CD164: variants seen among roughly 807,000 people sequenced by gnomAD.
CD164 encodes sialomucin core protein 24.
In CD164, 11 loss-of-function variants were observed where a neutral mutation model predicts 24.6. The ratio of observed to expected loss-of-function variants is 0.45; its 90% CI spans 0.28 to 0.74. CD164 has a LOEUF of 0.74. Among genes scored for constraint, CD164 ranks in the 30% least tolerant of loss-of-function variants. The pLI is 0.13. For missense variants in CD164, 295 were observed against 243.7 expected (o/e 1.21, Z -1.40); for synonymous variants, 126 against 100.3 (o/e 1.26, Z -1.53).
rs1771827520 is a variant in CD164 at position 109,382,373 on chromosome 6, C to G, written c.6G>C (p.Ser2=). The change falls in exon 1 of 6, where the codon TCG becomes TCC. Residue 2 remains serine (S), a synonymous_variant. Transcript: ENST00000310786. ...CCCAAAGCAGTGAGCGGGAGAGCCG[C>G]GACATCGTGTCCTCAGCGCTGGCGT... M[S]RLSRSLLWAA... 6.5e-7 allele frequency: 1 copy of G among 1,540,174 alleles called. No homozygotes were observed. The highest frequency in any genetic ancestry group is 1.4e-5 in the African/African-American group (1 of 73,010).
At chr6:109,376,022 GA>G in intron 4 of CD164, 51 bp downstream of exon 4, 1 of 1,376,606 alleles carries the variant, frequency 7.3e-7, no homozygotes, top group Non-Finnish European at 1.0e-6. Context: ...AATCCATCAA[GA>G]AAGCTTAAAA....
chr6:109,380,866 C>G (rs1771696760), intron 1 of CD164, among the ~76,000 whole-genome samples: 1 of 152,218 alleles, frequency 6.6e-6, no homozygotes, highest in South Asian at 2.1e-4. Flanking sequence ...ATATTCTGCT[C>G]TATCATCTTA....
chr6:109,377,791 G>A (rs917967730), intron 3 of CD164, 109 bp downstream of exon 3: 3 of 767,480 alleles, frequency 3.9e-6, no homozygotes, highest in East Asian at 2.5e-5. Context: ...CTAACAAGAT[G>A]AGAATTATGG....
At chr6:109,379,473 A>G in intron 2 of CD164, 106 bp downstream of exon 2, 1 of 806,988 alleles carries the variant, frequency 1.2e-6, no homozygotes, top group Non-Finnish European at 2.0e-6. Flanking sequence ...TGCAAAATAA[A>G]TAGTGCACAA....
rs1562234407 is a variant in CD164, at chr6:109,368,397, T to C, written c.*454A>G. 1 of 1,457,318 alleles carries C rather than the reference T, an allele frequency of 6.9e-7. No homozygotes were observed. The highest frequency in any genetic ancestry group is 1.5e-5 in the African/African-American group (1 of 68,668). The allele number at this position is 1,457,318 out of a possible 1,614,324, so 90.3% of individuals were successfully genotyped here. On this transcript the variant is annotated 3_prime_UTR_variant, in exon 6 of 6. Transcript: ENST00000310786. The stretch of plus-strand genomic sequence containing the variant: ...AGGATACCATTTAGTACTACTAAAT[T>C]AATAAATTTATTCCACTTTTGAAAT...
chr6:109,369,619 T>C (rs1309943598), intron 5 of CD164, among the ~76,000 whole-genome samples: 3 of 152,200 alleles, frequency 2.0e-5, no homozygotes, highest in African/African-American at 4.8e-5. Flanking sequence ...GAAAAAGCGA[T>C]TTCCATTTAA....
At chr6:109,371,823 T>A (rs1032516590) in intron 4 of CD164, 5 of 152,956 alleles carry the variant, frequency 3.3e-5, no homozygotes, top group Non-Finnish European at 7.4e-5. Context: ...ATTAGGTAAG[T>A]CAGGCTTCAG....
In CD164 at chr6:109,378,415, C is replaced by T. The variant is rs1264913823; in HGVS notation, c.260-444G>A. ...TGACCAATATGGTGAGACCCTGCCT[C>T]TACCAAAAATACAGAACTCTGTCTC... On this transcript the variant is annotated intron_variant, in intron 2 of 5. Transcript: ENST00000310786. 1.1e-4 allele frequency among the ~76,000 whole-genome samples: 17 copies of T among 150,566 alleles called. No individual in the cohort carries two copies. The Admixed American group carries it at 1.1e-3, about 10-fold the overall frequency.
Position 109,368,374 on chromosome 6 carries a change from G to A in CD164, c.*477C>T. 2 of 1,518,470 alleles carry A rather than the reference G, an allele frequency of 1.3e-6. No homozygotes were observed. The highest frequency in any genetic ancestry group is 1.8e-6 in the Non-Finnish European group (2 of 1,133,450). The allele number at this position is 1,518,470 out of a possible 1,614,324, so 94.1% of individuals were successfully genotyped here. On this transcript the variant is annotated 3_prime_UTR_variant, in exon 6 of 6. Transcript: ENST00000310786. ...ATCAAGCACAAAATTTTAATCTAAGGATACCATTTAGTACTACTAAATTAA... is the reference window on the plus strand; with the variant it reads ...ATCAAGCACAAAATTTTAATCTAAGAATACCATTTAGTACTACTAAATTAA...
chr6:109,367,577 A>C lies in CD164; in HGVS notation c.*1274T>G, dbSNP rs1468924004. The C allele has an allele frequency of 6.6e-6, 1 of 152,598 alleles. No homozygotes were observed. The highest frequency in any genetic ancestry group is 2.4e-5 in the African/African-American group (1 of 41,460). The allele number at this position is 152,598 out of a possible 1,614,324, so 9.5% of individuals were successfully genotyped here. ...AGAAGTTAAAGTATGCATGCTTATT[A>C]TACTATGGGAAACCAAGAAGGAAGG... On this transcript the variant is annotated 3_prime_UTR_variant, in exon 6 of 6. Coordinates refer to ENST00000310786, the MANE Select transcript of CD164 (RefSeq NM_006016.6).
In CD164 at chr6:109,369,022, TAGATA is replaced by T; in HGVS notation, c.428-10_428-6del. 5 of 1,605,272 alleles carry T rather than the reference TAGATA, an allele frequency of 3.1e-6. No individual in the cohort carries two copies. The highest frequency in any genetic ancestry group is 4.2e-6 in the Non-Finnish European group (5 of 1,177,378). Reference sequence around the variant, plus strand: ...TCACAGTGTTATTTGTTGTACCTGTTAGATAAGACAAAAGAAACAACAATCCTAAG... The same window carrying T: ...TCACAGTGTTATTTGTTGTACCTGTTAGACAAAAGAAACAACAATCCTAAG... On this transcript the variant is annotated splice_region_variant and splice_polypyrimidine_tract_variant and intron_variant, in intron 5 of 5. Transcript: ENST00000310786.
At chr6:109,382,182 A>G (rs1455377656) in intron 1 of CD164, 22 bp downstream of exon 1, 27 of 1,506,792 alleles carry the variant, frequency 1.8e-5, no homozygotes, top group Non-Finnish European at 2.4e-5. Flanking sequence ...GAGGGCGGGA[A>G]GCCCACAGGG....
chr6:109,381,205 T>C (rs968895893), intron 1 of CD164, among the ~76,000 whole-genome samples: 3 of 152,220 alleles, frequency 2.0e-5, no homozygotes, highest in Non-Finnish European at 1.5e-5. Context: ...CTCAAACTTA[T>C]CTTCCTTCTC....
chr6:109,378,100 G>T, intron 2 of CD164, 129 bp from the exon 3 acceptor site: 2 of 680,282 alleles, frequency 2.9e-6, no homozygotes, highest in Non-Finnish European at 2.5e-6. Context: ...ACCACTTTAG[G>T]TGTTTTGACC....
At chr6:109,379,705 T>C in intron 1 of CD164, 43 bp from the exon 2 acceptor site, 2 of 1,411,802 alleles carry the variant, frequency 1.4e-6, no homozygotes, top group Non-Finnish European at 2.0e-6. Flanking sequence ...AATGATTTTA[T>C]TAGTATCTTA....
intron 4 of CD164, among the ~76,000 whole-genome samples, chr6:109,374,493 G>C (rs373837674): frequency 2.6e-5 from 4 of 152,042 alleles, no homozygotes; most frequent in Non-Finnish European, 5.9e-5. Flanking sequence ...CTGTTCTCTA[G>C]AATTATTGTA....
chr6:109,381,401 T>C (rs1319631350), intron 1 of CD164: 20 of 670,768 alleles, frequency 3.0e-5, no homozygotes, highest in Non-Finnish European at 2.2e-5. Flanking sequence ...CAGGACATAG[T>C]TAAGAAAATT....
At chr6:109,381,573 G>T (rs73762715) in intron 1 of CD164, 2 of 702,322 alleles carry the variant, frequency 2.8e-6, no homozygotes, top group South Asian at 3.0e-5. Flanking sequence ...CTTCCTTTTC[G>T]CATACTTTGA....
chr6:109,381,921 G>A, intron 1 of CD164: 1 of 420,152 alleles, frequency 2.4e-6, no homozygotes, highest in Non-Finnish European at 4.2e-6. Flanking sequence ...TAGGAATTAC[G>A]ATGCACTTTT....
Sources: allele counts gnomAD v4.1 joint callset (sites outside exome capture counted in the v4.1 genomes callset), GRCh38; gene constraint gnomAD v4.1.1; transcripts MANE v1.5; gene names NCBI Gene and HGNC (gene_info 2026-07-23, HGNC 2026-07-21).